SCAPER: variants seen among roughly 807,000 people sequenced by gnomAD.
The protein encoded by SCAPER is S phase cyclin A-associated protein in the endoplasmic reticulum.
SCAPER carries 98 observed loss-of-function variants against 182.2 expected under a neutral mutation model. That is an observed-to-expected ratio of 0.54 (90% CI 0.46 to 0.64). SCAPER has a LOEUF of 0.64. Ranked by LOEUF, SCAPER falls within the 30% of genes least tolerant of loss-of-function variation. The pLI is 0.00. For missense variants in SCAPER, 1,432 were observed against 1,690.0 expected, an observed-to-expected ratio of 0.85 and a Z score of 2.68; for synonymous variants, 605 against 564.6, an observed-to-expected ratio of 1.07 and a Z score of -1.01.
chr15:76,718,499 C>T lies in SCAPER; in HGVS notation c.2165+10096G>A, dbSNP rs547911969. Among the ~76,000 whole-genome samples, 488 of 151,902 alleles carry T rather than the reference C, an allele frequency of 3.2e-3. 5 individuals carry two copies. The highest frequency in any genetic ancestry group is 0.011 in the African/African-American group (460 of 41,478). ...AGGTCAGGAGTTCGAAAATCAGCCA[C>T]GCATGGTGGCACACACCTATAATCC... On this transcript the variant is annotated intron_variant, in intron 17 of 31. Transcript: ENST00000563290.
At chr15:76,832,518 G>A (rs1045282536) in intron 5 of SCAPER, among the ~76,000 whole-genome samples, 26 of 152,214 alleles carry the variant, frequency 1.7e-4, no homozygotes, top group African/African-American at 3.1e-4. Flanking sequence ...ATTCCTGAAC[G>A]AGTCAGAGAT....
At chr15:76,480,737 CT>C (rs919182678) in intron 24 of SCAPER, among the ~76,000 whole-genome samples, 26 of 147,954 alleles carry the variant, frequency 1.8e-4, no homozygotes, top group African/African-American at 2.2e-4. Context: ...CACTATTCTA[CT>C]TTTTTTTTTT....
Position 76,600,741 on chromosome 15 carries a change from C to G in SCAPER, c.2711+21023G>C, listed in dbSNP as rs540877890. On this transcript the variant is annotated intron_variant, in intron 22 of 31. Transcript: ENST00000563290. ...CTGGGATTACAGGCGTGAGCCACTG[C>G]GCCCCACCCAGAAAGTATTTTTTTA... Among the ~76,000 whole-genome samples the G allele has an allele frequency of 1.8e-4, 22 of 120,310 alleles. 6 individuals carry two copies. The South Asian group carries it at 5.6e-3, about 31-fold the overall frequency. 78.9% of individuals were successfully genotyped at this position (120,310 alleles called of 152,430 possible). A position where few individuals can be genotyped will look rare whatever the true frequency, so the allele number is the denominator to read the frequency against.
At chr15:76,753,726 CATT>C (rs1415164705) in intron 15 of SCAPER, 79 bp downstream of exon 15, 1 of 1,431,478 alleles carries the variant, frequency 7.0e-7, no homozygotes, top group Non-Finnish European at 9.5e-7. Flanking sequence ...ATTGGATAAA[CATT>C]ATCTTCTATT....
intron 20 of SCAPER, among the ~76,000 whole-genome samples, chr15:76,689,588 A>C (rs192143098): frequency 6.6e-6 from 1 of 152,010 alleles, no homozygotes; most frequent in African/African-American, 2.4e-5. Flanking sequence ...GCCTCCCCCT[A>C]AAAATGGCTT....
At chr15:76,527,095 C>T (rs781705281) in intron 23 of SCAPER, among the ~76,000 whole-genome samples, 27 of 152,022 alleles carry the variant, frequency 1.8e-4, no homozygotes, top group Non-Finnish European at 3.5e-4. Flanking sequence ...AGGCTGGTCT[C>T]GAACTCCTGA....
intron 22 of SCAPER, among the ~76,000 whole-genome samples, chr15:76,585,500 C>A (rs2048582114): frequency 1.3e-5 from 2 of 152,050 alleles, no homozygotes; most frequent in Admixed American, 1.3e-4. Flanking sequence ...TGTCTGCATA[C>A]CATGTAACTA....
intron 22 of SCAPER, among the ~76,000 whole-genome samples, chr15:76,608,605 T>C (rs146389918): frequency 6.6e-6 from 1 of 152,192 alleles, no homozygotes; most frequent in African/African-American, 2.4e-5. Context: ...GTCTGTGCCC[T>C]GCCCCCAGAG....
chr15:76,498,327 C>T (rs888943372), intron 24 of SCAPER: 1 of 152,260 alleles, frequency 6.6e-6, no homozygotes, highest in Non-Finnish European at 1.5e-5. Context: ...GGACTGGAAG[C>T]CCTAGATTAT....
At position 76,801,233 on chromosome 15, in the gene SCAPER, A is replaced by C. The variant is rs539354645; in HGVS notation, c.495-869T>G. On this transcript the variant is annotated intron_variant, in intron 6 of 31. Coordinates refer to ENST00000563290, the MANE Select transcript of SCAPER (RefSeq NM_020843.4). ...TTTGCACCATTTTCTGATTAATTTG[A>C]AATAGTTTACTACTACTCTTATGGC... Among the ~76,000 whole-genome samples, 11 of 152,260 alleles carry C rather than the reference A, an allele frequency of 7.2e-5. No homozygotes were observed. In the South Asian group the frequency reaches 2.3e-3, roughly 32 times the overall value.
chr15:76,348,360 A>G lies in SCAPER; in HGVS notation c.*273T>C. The G allele has an allele frequency of 4.5e-6, 1 of 223,608 alleles. No homozygotes were observed. Among genetic ancestry groups the G allele is most frequent in the Non-Finnish European group, 8.7e-6 (1 of 114,984 alleles). The allele number at this position is 223,608 out of a possible 1,614,324, so 13.9% of individuals were successfully genotyped here. A position where few individuals can be genotyped will look rare whatever the true frequency, so the allele number is the denominator to read the frequency against. On this transcript the variant is annotated 3_prime_UTR_variant, in exon 32 of 32. Coordinates refer to ENST00000563290, the MANE Select transcript of SCAPER (RefSeq NM_020843.4). ...GCTAATTTTATGTCTCCTTTCACCC[A>G]TATCACAAATGCAAAGTATATATTA... is the stretch of plus-strand genomic sequence containing the variant.
rs1296486465 is a variant in SCAPER at position 76,652,367 on chromosome 15, C to T, written c.2645+13286G>A. Among the ~76,000 whole-genome samples the T allele has an allele frequency of 7.0e-3, 166 of 23,744 alleles. 2 individuals carry two copies. Among genetic ancestry groups the T allele is most frequent in the African/African-American group, 0.024 (102 of 4,254 alleles). 15.6% of individuals were successfully genotyped at this position (23,744 alleles called of 152,430 possible). ...ATACACACACACACACACACACACA[C>T]ACACATATATATATATATATATATA... On this transcript the variant is annotated intron_variant, in intron 21 of 31. Transcript: ENST00000563290.
chr15:76,518,149 A>G (rs1006844731), intron 23 of SCAPER, among the ~76,000 whole-genome samples: 7 of 152,204 alleles, frequency 4.6e-5, no homozygotes, highest in African/African-American at 1.7e-4. Context: ...ATGTGGGACC[A>G]GGGTTAGAAA....
At chr15:76,466,247 A>C (rs1258305854) in intron 25 of SCAPER, among the ~76,000 whole-genome samples, 1 of 151,694 alleles carries the variant, frequency 6.6e-6, no homozygotes, top group Non-Finnish European at 1.5e-5. Context: ...TTAGGCTTTC[A>C]TCACTCTTTC....
chr15:76,875,421 A>C (rs762186199), intron 2 of SCAPER, among the ~76,000 whole-genome samples: 9 of 152,200 alleles, frequency 5.9e-5, no homozygotes, highest in Non-Finnish European at 1.0e-4. Context: ...AAGTAGGCGG[A>C]TCACTTGAGG....
At chr15:76,848,084 T>C (rs1310340440) in intron 4 of SCAPER, among the ~76,000 whole-genome samples, 2 of 152,120 alleles carry the variant, frequency 1.3e-5, no homozygotes, top group Non-Finnish European at 2.9e-5. Context: ...CTCAGCTCAC[T>C]GCAATCTCTG....
chr15:76,555,605 G>A (rs1338758539), intron 23 of SCAPER, among the ~76,000 whole-genome samples: 7 of 152,062 alleles, frequency 4.6e-5, no homozygotes, highest in Non-Finnish European at 8.8e-5. Flanking sequence ...TTCAGACAAA[G>A]CAGAGTTTAA....
chr15:76,580,871 T>C (rs1438704323), intron 22 of SCAPER, among the ~76,000 whole-genome samples: 1 of 152,112 alleles, frequency 6.6e-6, no homozygotes, highest in Non-Finnish European at 1.5e-5. Context: ...ATTGAGAAGT[T>C]GGTTTTTTGA....
intron 26 of SCAPER, among the ~76,000 whole-genome samples, chr15:76,423,256 T>C (rs1464253924): frequency 6.6e-6 from 1 of 152,216 alleles, no homozygotes; most frequent in Non-Finnish European, 1.5e-5. Context: ...TCCTGGACTT[T>C]TTTTGGTTCG....
Sources: allele counts gnomAD v4.1 joint callset (sites outside exome capture counted in the v4.1 genomes callset), GRCh38; gene constraint gnomAD v4.1.1; transcripts MANE v1.5; gene names NCBI Gene and HGNC (gene_info 2026-07-23, HGNC 2026-07-21).